The following VPS13B variants were observed in gnomAD, a reference collection of about 807,000 sequenced individuals.
VPS13B encodes the protein vacuolar protein sorting 13 homolog B.
A neutral mutation model predicts 426.4 loss-of-function variants in VPS13B; 285 were observed. That is an observed-to-expected ratio of 0.67 (90% CI 0.61 to 0.74). The LOEUF is 0.74. Among genes scored for constraint, VPS13B ranks in the 30% least tolerant of loss-of-function variants. The pLI is 0.00. For synonymous variants in VPS13B, 1,676 were observed against 1,676.4 expected (o/e 1.00, Z 0.01); for missense variants, 4,537 against 4,782.6 (o/e 0.95, Z 1.51).
intron 17 of VPS13B, among the ~76,000 whole-genome samples, chr8:99,232,432 A>G (rs1171952825): frequency 2.6e-5 from 4 of 152,098 alleles, no homozygotes; most frequent in African/African-American, 4.8e-5. Flanking sequence ...AATTTTGTGT[A>G]GGTCACCTCG....
At chr8:99,280,394 A>G (rs1053331165) in intron 19 of VPS13B, among the ~76,000 whole-genome samples, 1 of 152,074 alleles carries the variant, frequency 6.6e-6, no homozygotes, top group African/African-American at 2.4e-5. Flanking sequence ...GACGGTATAT[A>G]TTTATATATG....
At chr8:99,553,058 A>G (rs1824368867) in intron 30 of VPS13B, among the ~76,000 whole-genome samples, 1 of 152,102 alleles carries the variant, frequency 6.6e-6, no homozygotes, top group East Asian at 1.9e-4. Context: ...TCTTCTATTA[A>G]ATAGATTCAT....
In VPS13B at chr8:99,835,180, A is replaced by T; in HGVS notation, c.9615-17A>T. The T allele has an allele frequency of 1.2e-6, 2 of 1,613,864 alleles. No individual in the cohort carries two copies. The highest frequency in any genetic ancestry group is 1.7e-6 in the Non-Finnish European group (2 of 1,179,906). ...TTTTCCTAAACATTTCTGTCATTTG[A>T]CTTGATTCTCTTCCAGGGCTATAGT... On this transcript the variant is annotated splice_polypyrimidine_tract_variant and intron_variant, in intron 52 of 61. Coordinates refer to ENST00000357162, the MANE Select transcript of VPS13B (RefSeq NM_152564.5).
intron 2 of VPS13B, among the ~76,000 whole-genome samples, chr8:99,031,695 G>A (rs927847066): frequency 2.0e-5 from 3 of 152,182 alleles, no homozygotes; most frequent in Non-Finnish European, 2.9e-5. Flanking sequence ...TGCCTCAGTG[G>A]GCTAGATTGT....
intron 7 of VPS13B, among the ~76,000 whole-genome samples, chr8:99,118,747 G>A (rs538573339): frequency 6.6e-6 from 1 of 152,272 alleles, no homozygotes; most frequent in East Asian, 1.9e-4. Flanking sequence ...TACATACACT[G>A]TATGAATATA....
At chr8:99,505,641 A>C (rs1821460586) in intron 27 of VPS13B, among the ~76,000 whole-genome samples, 1 of 152,182 alleles carries the variant, frequency 6.6e-6, no homozygotes, top group South Asian at 2.1e-4. Flanking sequence ...ACAGATCACC[A>C]TAACAGATAT....
At chr8:99,040,940 C>T (rs913286513) in intron 3 of VPS13B, among the ~76,000 whole-genome samples, 2 of 152,130 alleles carry the variant, frequency 1.3e-5, no homozygotes, top group African/African-American at 2.4e-5. Flanking sequence ...ATTCTACCAA[C>T]ATTTGTTGGT....
At position 99,821,433 on chromosome 8, in the gene VPS13B, C is replaced by A; in HGVS notation, c.9134C>A (p.Ala3045Glu). 4 of 1,613,726 alleles carry A rather than the reference C, an allele frequency of 2.5e-6. No individual in the cohort carries two copies. Among genetic ancestry groups the A allele is most frequent in the Non-Finnish European group, 3.4e-6 (4 of 1,179,780 alleles). Residue 3045 changes from alanine (A) to glutamate (E), a missense_variant, in exon 50 of 62, where the codon GCG becomes GAG. By Grantham distance (107) the Ala-to-Glu change is moderately radical. Around this residue, in one of 2 missense-constraint regions of VPS13B, gnomAD observed 4,311 missense variants for 4,474.3 expected, o/e 0.96. Transcript: ENST00000357162. ...NGEVVTLDEE[A>E]FVDTEIRLGA... The stretch of plus-strand genomic sequence containing the variant: ...GAAGTTGTGACACTGGATGAAGAAG[C>A]GTTTGTTGATACTGAAATAAGACTT...
Position 99,717,225 on chromosome 8 carries a change from C to G in VPS13B, c.6509C>G (p.Thr2170Arg). 1 of 1,613,688 alleles carries G rather than the reference C, an allele frequency of 6.2e-7. No individual in the cohort carries two copies. The highest frequency in any genetic ancestry group is 8.5e-7 in the Non-Finnish European group (1 of 1,179,908). ...LLSINDFLLK[T>R]SLKERSRILI... ...AGTATAAACGATTTTCTCCTTAAAA[C>G]AAGTCTCAAAGAAAGAAGCCGCATT... The change falls in exon 37 of 62, where the codon ACA becomes AGA. Residue 2170 changes from threonine to arginine, a missense_variant. Around this residue, in one of 2 missense-constraint regions of VPS13B, gnomAD observed 4,311 missense variants for 4,474.3 expected, o/e 0.96. Transcript: ENST00000357162.
chr8:99,307,855 G>A (rs931477629), intron 19 of VPS13B, among the ~76,000 whole-genome samples: 2 of 151,900 alleles, frequency 1.3e-5, no homozygotes, highest in African/African-American at 4.8e-5. Flanking sequence ...TTAGATATTT[G>A]AAATCTTTCT....
intron 39 of VPS13B, among the ~76,000 whole-genome samples, chr8:99,762,157 C>G (rs79914131): frequency 6.6e-6 from 1 of 152,054 alleles, no homozygotes; most frequent in African/African-American, 2.4e-5. Flanking sequence ...TCCTAAGTAA[C>G]TGGGACCACA....
At chr8:99,874,807 A>C (rs1817609077) in intron 61 of VPS13B, among the ~76,000 whole-genome samples, 1 of 152,186 alleles carries the variant, frequency 6.6e-6, no homozygotes, top group Non-Finnish European at 1.5e-5. Context: ...TGTACTTTAC[A>C]TCCTCTTTTT....
intron 17 of VPS13B, among the ~76,000 whole-genome samples, chr8:99,262,832 GC>G (rs1473244054): frequency 1.3e-5 from 2 of 151,970 alleles, no homozygotes; most frequent in Non-Finnish European, 2.9e-5. Flanking sequence ...TGTTGCTCAG[GC>G]AAGAGGGTAG....
chr8:99,221,664 T>G (rs903484250), intron 17 of VPS13B, among the ~76,000 whole-genome samples: 10 of 152,120 alleles, frequency 6.6e-5, no homozygotes, highest in Non-Finnish European at 1.5e-4. Context: ...TCTTTGAAAT[T>G]TTTTTTGGTG....
rs200451189 is a variant in VPS13B, at chr8:99,459,015, A to G, written c.3446-8399A>G. On this transcript the variant is annotated intron_variant, in intron 23 of 61. Transcript: ENST00000357162. Reference sequence around the variant, plus strand: ...TGCCCATGCCCATGTCCTGAATGGTATTGCCTAGGTTTTCTTCTAGGGTTT... The same window carrying G: ...TGCCCATGCCCATGTCCTGAATGGTGTTGCCTAGGTTTTCTTCTAGGGTTT... Among the ~76,000 whole-genome samples, 20 of 152,232 alleles carry G rather than the reference A, an allele frequency of 1.3e-4. No homozygotes were observed. The East Asian group carries it at 3.7e-3, about 28-fold the overall frequency.
At chr8:99,456,638 C>A (rs1178653615) in intron 23 of VPS13B, among the ~76,000 whole-genome samples, 2 of 152,128 alleles carry the variant, frequency 1.3e-5, no homozygotes, top group African/African-American at 4.8e-5. Context: ...CCTAGTATTT[C>A]TCAAATGTAT....
chr8:99,170,333 A>C (rs550102034), intron 16 of VPS13B, among the ~76,000 whole-genome samples, 170 bp downstream of exon 16: 6 of 152,130 alleles, frequency 3.9e-5, no homozygotes, highest in Non-Finnish European at 7.4e-5. Flanking sequence ...TAAGTTTCTG[A>C]AATCTGTTAG....
At chr8:99,390,483 A>T (rs1365158598) in intron 20 of VPS13B, among the ~76,000 whole-genome samples, 1 of 152,158 alleles carries the variant, frequency 6.6e-6, no homozygotes, top group Non-Finnish European at 1.5e-5. Context: ...TCAGAACATG[A>T]TTGATTTTAT....
intron 54 of VPS13B, among the ~76,000 whole-genome samples, chr8:99,841,789 G>A (rs1815697579): frequency 6.6e-6 from 1 of 152,190 alleles, no homozygotes; most frequent in Non-Finnish European, 1.5e-5. Flanking sequence ...ACTGGGGTCT[G>A]CTTCAGGCCT....
Sources: gnomAD v4.1 joint callset for allele counts (sites outside exome capture counted in the v4.1 genomes callset) on GRCh38, gnomAD v4.1.1 for gene constraint, gnomAD v4.1.1 regional missense constraint, MANE v1.5 for transcripts, NCBI Gene and HGNC (gene_info 2026-07-23, HGNC 2026-07-21) for gene names.